Variants in NLGN1 observed in about 807,000 individuals in gnomAD.
NLGN1 encodes neuroligin 1.
A neutral mutation model predicts 65.5 loss-of-function variants in NLGN1; 12 were observed. That is an observed-to-expected ratio of 0.18 (90% CI 0.12 to 0.30). The LOEUF is 0.30. Among genes scored for constraint, NLGN1 ranks in the 10% least tolerant of loss-of-function variants. The pLI, the probability that NLGN1 is intolerant of heterozygous loss-of-function variation, is 1.00. For synonymous variants in NLGN1, 350 were observed against 359.5 expected (o/e 0.97, Z 0.30); for missense variants, 750 against 1,007.1 (o/e 0.74, Z 3.46).
intron 4 of NLGN1, among the ~76,000 whole-genome samples, chr3:173,830,855 A>G (rs1722407409): frequency 6.6e-6 from 1 of 152,190 alleles, no homozygotes; most frequent in African/African-American, 2.4e-5. Flanking sequence ...GTCCATGTTT[A>G]CCTTGTACTT....
chr3:173,807,827 T>C, exon 4 of NLGN1: 1 of 1,613,074 alleles, frequency 6.2e-7, no homozygotes, highest in East Asian at 2.2e-5. Context: ...CGACTTGGAG[T>C]ACTCGGTAAG....
intron 2 of NLGN1, among the ~76,000 whole-genome samples, chr3:173,587,447 G>A (rs1486563514): frequency 6.6e-6 from 1 of 152,118 alleles, no homozygotes; most frequent in Non-Finnish European, 1.5e-5. Context: ...TTAAAAAGTT[G>A]CGGCCAGTAA....
At chr3:173,800,003 A>AT (rs11328249) in intron 3 of NLGN1, among the ~76,000 whole-genome samples, 44 of 92,606 alleles carry the variant, frequency 4.8e-4, no homozygotes, top group East Asian at 2.0e-3. Flanking sequence ...TGCAATGGGT[A>AT]TTTTTTTTTT....
intron 4 of NLGN1, among the ~76,000 whole-genome samples, chr3:174,037,602 C>A (rs1234227787): frequency 1.3e-5 from 2 of 152,154 alleles, no homozygotes; most frequent in African/African-American, 2.4e-5. Flanking sequence ...TACAGACAAA[C>A]ACAGGTGAGG....
intron 3 of NLGN1, among the ~76,000 whole-genome samples, chr3:173,617,268 T>A (rs75895491): frequency 0.053 from 8,048 of 152,294 alleles, 337 homozygotes; most frequent in Middle Eastern, 0.14. Context: ...ATTTGTATCT[T>A]CATATGAAAT....
intron 2 of NLGN1, among the ~76,000 whole-genome samples, chr3:173,589,705 T>G (rs556443954): frequency 3.1e-4 from 47 of 152,314 alleles, no homozygotes; most frequent in African/African-American, 1.0e-3. Flanking sequence ...TCTCAACAAA[T>G]GCCTATTGGG....
At chr3:173,459,175 G>A (rs190981019) in intron 2 of NLGN1, among the ~76,000 whole-genome samples, 2 of 152,006 alleles carry the variant, frequency 1.3e-5, no homozygotes, top group East Asian at 3.9e-4. Context: ...CTGTTTTGTT[G>A]TTCATCATTT....
At chr3:173,613,377 T>C (rs1752600479) in intron 3 of NLGN1, among the ~76,000 whole-genome samples, 1 of 152,146 alleles carries the variant, frequency 6.6e-6, no homozygotes, top group South Asian at 2.1e-4. Context: ...TTCCTACAGA[T>C]AATGAATTTT....
At chr3:174,040,463 A>G (rs1015358286) in intron 4 of NLGN1, among the ~76,000 whole-genome samples, 2 of 152,168 alleles carry the variant, frequency 1.3e-5, no homozygotes, top group Non-Finnish European at 2.9e-5. Flanking sequence ...TAAAGGATAA[A>G]ATAACTGACA....
Position 174,097,216 on chromosome 3 carries a change from A to G in NLGN1, c.647-178099A>G, listed in dbSNP as rs1404578918. Among the ~76,000 whole-genome samples, 5 of 152,210 alleles carry G rather than the reference A, an allele frequency of 3.3e-5. No individual in the cohort carries two copies. The East Asian group carries it at 9.6e-4, about 29-fold the overall frequency. ...TTCTGTTCATGGCAAAGAATTTCAA[A>G]GATGTAATGATTTCATTTTTATAAC... On this transcript the variant is annotated intron_variant, in intron 4 of 6. Coordinates refer to ENST00000457714, the Ensembl canonical transcript of NLGN1.
chr3:173,811,524 G>A (rs901786165), intron 4 of NLGN1, among the ~76,000 whole-genome samples: 1 of 142,176 alleles, frequency 7.0e-6, no homozygotes, highest in East Asian at 2.1e-4. Context: ...CTGAGATTGC[G>A]CCATTACACT....
At chr3:173,430,917 T>C (rs1476670359) in intron 1 of NLGN1, among the ~76,000 whole-genome samples, 5 of 152,196 alleles carry the variant, frequency 3.3e-5, no homozygotes, top group Non-Finnish European at 7.3e-5. Flanking sequence ...GAGCCAAATA[T>C]ATTTTCTTTA....
intron 4 of NLGN1, among the ~76,000 whole-genome samples, chr3:174,029,097 C>A (rs1193158862): frequency 6.6e-6 from 1 of 152,234 alleles, no homozygotes; most frequent in Non-Finnish European, 1.5e-5. Flanking sequence ...AGAGTCCTCA[C>A]TGGGGCACTG....
chr3:174,113,607 G>T (rs1055678430), intron 4 of NLGN1, among the ~76,000 whole-genome samples: 3 of 151,908 alleles, frequency 2.0e-5, no homozygotes, highest in Admixed American at 6.6e-5. Flanking sequence ...CCATTCATTA[G>T]CTGTGTGTCT....
intron 4 of NLGN1, among the ~76,000 whole-genome samples, chr3:173,911,541 A>G (rs2152224652): frequency 6.6e-6 from 1 of 152,324 alleles, no homozygotes; most frequent in African/African-American, 2.4e-5. Flanking sequence ...GTCAAGGAGA[A>G]TATCAAAACG....
chr3:173,527,065 A>C (rs575585003), intron 2 of NLGN1, among the ~76,000 whole-genome samples: 5 of 152,352 alleles, frequency 3.3e-5, no homozygotes, highest in African/African-American at 1.2e-4. Context: ...ATGGGAATGC[A>C]GATATCTGTT....
intron 3 of NLGN1, among the ~76,000 whole-genome samples, chr3:173,757,347 A>T (rs1395388092): frequency 6.6e-6 from 1 of 151,590 alleles, no homozygotes; most frequent in Non-Finnish European, 1.5e-5. Flanking sequence ...AGAAATATTA[A>T]GAAATATTCT....
At chr3:173,788,961 G>A (rs1711972695) in intron 3 of NLGN1, among the ~76,000 whole-genome samples, 1 of 151,930 alleles carries the variant, frequency 6.6e-6, no homozygotes, top group East Asian at 1.9e-4. Context: ...ACTTTGGGAG[G>A]CTGAGGTAGG....
intron 4 of NLGN1, among the ~76,000 whole-genome samples, chr3:174,021,192 A>G (rs975707438): frequency 6.6e-6 from 1 of 151,970 alleles, no homozygotes; most frequent in Non-Finnish European, 1.5e-5. Flanking sequence ...GAAATATATT[A>G]GTGCTCCAGC....
Sources: gnomAD v4.1 joint callset for allele counts (sites outside exome capture counted in the v4.1 genomes callset) on GRCh38, gnomAD v4.1.1 for gene constraint, MANE v1.5 for transcripts, NCBI Gene and HGNC (gene_info 2026-07-23, HGNC 2026-07-21) for gene names.